Variants in PLAC1 observed in about 807,000 individuals in gnomAD.
PLAC1 encodes the protein placenta-specific protein 1.
For synonymous variants in PLAC1, 68 were observed against 62.1 expected (o/e 1.09, Z -0.44); for missense variants, 136 against 163.2 (o/e 0.83, Z 0.91).
intron 2 of PLAC1, among the ~76,000 whole-genome samples, chrX:134,707,749 A>T (rs1018497305): frequency 2.7e-5 from 3 of 111,823 alleles, no homozygotes; most frequent in African/African-American, 9.7e-5. Context: ...TCTTCTATTG[A>T]TTTTTTTTTA....
chrX:134,669,816 G>A (rs886446876), intron 2 of PLAC1, among the ~76,000 whole-genome samples: 5 of 112,176 alleles, frequency 4.5e-5, no homozygotes, highest in African/African-American at 9.7e-5. Flanking sequence ...TGGAGGGGCC[G>A]TACACAGCCC....
At chrX:134,705,455 T>C (rs1480273038) in intron 2 of PLAC1, among the ~76,000 whole-genome samples, 1 of 105,647 alleles carries the variant, frequency 9.5e-6, no homozygotes, top group Non-Finnish European at 1.9e-5. Flanking sequence ...ATCTAGAAAC[T>C]GTTAGAACTA....
Position 134,566,637 on chromosome X carries a change from C to T in PLAC1, c.46G>A (p.Ala16Thr). The T allele has an allele frequency of 8.3e-7, 1 of 1,207,307 alleles. No homozygotes were observed. The highest frequency in any genetic ancestry group is 1.1e-6 in the Non-Finnish European group (1 of 892,201). Residue 16 changes from alanine to threonine, a missense_variant, in exon 3 of 3, where the codon GCG becomes ACG. Transcript: ENST00000359237. The part of the protein sequence containing the change: ...FIGLMILLTS[A>T]FSAGSGQSPM... ...CTTTGTCCTGAACCGGCTGAAAACG[C>T]AGAGGTGAGGAGGATCATCAGTCCT...
chrX:134,680,271 A>G (rs967959140), intron 2 of PLAC1, among the ~76,000 whole-genome samples: 6 of 111,712 alleles, frequency 5.4e-5, no homozygotes, highest in African/African-American at 2.0e-4. Flanking sequence ...TGAGGAAACT[A>G]AGGATCAGAG....
At chrX:134,675,387 C>T (rs1042092158) in intron 2 of PLAC1, among the ~76,000 whole-genome samples, 1 of 112,412 alleles carries the variant, frequency 8.9e-6, no homozygotes, top group Non-Finnish European at 1.9e-5. Context: ...GTGGCCTGGC[C>T]GGGCGTGGTG....
At chrX:134,603,307 ATATATATTTTT>A (rs2078103931) in intron 1 of PLAC1, among the ~76,000 whole-genome samples, 1 of 5,096 alleles carries the variant, frequency 2.0e-4, no homozygotes, top group African/African-American at 7.4e-4. Context: ...ATATATATAT[ATATATATTTTT>A]TTTTTTTTTT....
At chrX:134,733,683 G>C (rs2147844229) in intron 1 of PLAC1, 1 of 111,336 alleles carries the variant, frequency 9.0e-6, no homozygotes, top group African/African-American at 3.3e-5. Flanking sequence ...TCCTCAAAGG[G>C]CAAGAGGATT....
At chrX:134,645,870 C>T (rs1367799216) in intron 1 of PLAC1, among the ~76,000 whole-genome samples, 1 of 111,541 alleles carries the variant, frequency 9.0e-6, no homozygotes, top group Non-Finnish European at 1.9e-5. Context: ...CCCCTAGTCC[C>T]CTTCCCCGAT....
At chrX:134,637,478 C>T (rs1303620300) in intron 1 of PLAC1, among the ~76,000 whole-genome samples, 1 of 111,960 alleles carries the variant, frequency 8.9e-6, no homozygotes. Flanking sequence ...ATAACTTGCC[C>T]TGTTCTTGCC....
At chrX:134,594,766 C>G (rs892496955) in intron 2 of PLAC1, among the ~76,000 whole-genome samples, 2 of 110,167 alleles carry the variant, frequency 1.8e-5, no homozygotes, top group Admixed American at 2.0e-4. Context: ...TTTGATCAGT[C>G]TTGCTAGAGG....
At chrX:134,586,431 A>G (rs954932300) in intron 2 of PLAC1, among the ~76,000 whole-genome samples, 11 of 112,048 alleles carry the variant, frequency 9.8e-5, no homozygotes, top group Middle Eastern at 4.6e-3. Flanking sequence ...ACAGAGAGCA[A>G]CATTCCACCC....
chrX:134,752,248 G>T lies in PLAC1; in HGVS notation n.89+11986C>A, dbSNP rs1057218105. On this transcript the variant is annotated intron_variant and non_coding_transcript_variant, in intron 1 of 2. Coordinates refer to the PLAC1 transcript ENST00000466797. ...TTTTCTTTTCATTTCTTCTTTGTTT[G>T]TTTTTTTTTAGAGAGGGAAGTGGGT... Among the ~76,000 whole-genome samples the T allele has an allele frequency of 5.5e-5, 6 of 108,877 alleles. No homozygotes were observed. The East Asian group carries it at 1.7e-3, about 31-fold the overall frequency. 94.5% of individuals were successfully genotyped at this position (108,877 alleles called of 115,157 possible).
intron 2 of PLAC1, among the ~76,000 whole-genome samples, chrX:134,569,154 C>G (rs1238178207): frequency 1.8e-5 from 2 of 111,323 alleles, no homozygotes; most frequent in Non-Finnish European, 3.8e-5. Context: ...TTTCCTCCCC[C>G]TCCCTCAAGC....
chrX:134,644,879 A>G (rs1344975697), intron 1 of PLAC1, among the ~76,000 whole-genome samples: 1 of 111,758 alleles, frequency 8.9e-6, no homozygotes, highest in Non-Finnish European at 1.9e-5. Flanking sequence ...TGCCTCAAAC[A>G]ATGGATATCC....
At chrX:134,574,382 A>T (rs998119519) in intron 2 of PLAC1, among the ~76,000 whole-genome samples, 2 of 112,161 alleles carry the variant, frequency 1.8e-5, no homozygotes, top group African/African-American at 6.5e-5. Flanking sequence ...CCAGCCCCTA[A>T]GGGCCTGAAT....
chrX:134,621,444 CAAAAAAAAA>C (rs11317429), intron 1 of PLAC1, among the ~76,000 whole-genome samples: 1 of 33,862 alleles, frequency 3.0e-5, no homozygotes, highest in African/African-American at 1.1e-4. Flanking sequence ...GGCTCTGTCT[CAAAAAAAAA>C]AAAAAAAAAA....
Position 134,566,744 on chromosome X carries a change from G to T in PLAC1, c.-58-4C>A, listed in dbSNP as rs780167900. On this transcript the variant is annotated splice_region_variant and splice_polypyrimidine_tract_variant and intron_variant, in intron 2 of 2. Coordinates refer to ENST00000359237, the MANE Select transcript of PLAC1 (RefSeq NM_021796.4). ...GGAAGCCGTCCAGTGAGGATTTCTA[G>T]AGCACAAAAAAACACAAGAGGCAAG... is the stretch of plus-strand genomic sequence containing the variant. 3.2e-6 allele frequency: 3 copies of T among 940,283 alleles called. No individual in the cohort carries two copies. Among genetic ancestry groups the T allele is most frequent in the Non-Finnish European group, 4.3e-6 (3 of 690,947 alleles). 77.5% of individuals were successfully genotyped at this position (940,283 alleles called of 1,213,427 possible). A position where few individuals can be genotyped will look rare whatever the true frequency, so the allele number is the denominator to read the frequency against.
chrX:134,732,792 A>G (rs1335548780), intron 2 of PLAC1, among the ~76,000 whole-genome samples: 3 of 112,261 alleles, frequency 2.7e-5, no homozygotes, highest in African/African-American at 6.5e-5. Flanking sequence ...GAATATGTAC[A>G]ACGTTACCCA....
chrX:134,716,594 G>A (rs2147836325), intron 2 of PLAC1, among the ~76,000 whole-genome samples: 1 of 112,396 alleles, frequency 8.9e-6, no homozygotes, highest in African/African-American at 3.2e-5. Context: ...CTAGCAAATG[G>A]ATGTATTATC....
Sources: gnomAD v4.1 joint callset for allele counts (sites outside exome capture counted in the v4.1 genomes callset) on GRCh38, gnomAD v4.1.1 for gene constraint, MANE v1.5 for transcripts, NCBI Gene and HGNC (gene_info 2026-07-23, HGNC 2026-07-21) for gene names.